CADM2: variants seen among roughly 807,000 people sequenced by gnomAD.
CADM2 encodes the protein cell adhesion molecule 2.
In CADM2, 12 loss-of-function variants were observed where a neutral mutation model predicts 49.8. That is an observed-to-expected ratio of 0.24 (90% CI 0.15 to 0.39). CADM2 has a LOEUF of 0.39. CADM2 is among the 10% of genes least tolerant of loss of function. The pLI is 1.00. For missense variants in CADM2, 378 were observed against 492.3 expected, an observed-to-expected ratio of 0.77 and a Z score of 2.20; for synonymous variants, 214 against 175.4, an observed-to-expected ratio of 1.22 and a Z score of -1.74.
chr3:85,149,599 T>G (rs1259391721), intron 1 of CADM2, among the ~76,000 whole-genome samples: 1 of 152,054 alleles, frequency 6.6e-6, no homozygotes, highest in Non-Finnish European at 1.5e-5. Flanking sequence ...TAGCCAGGCA[T>G]GGTGGCAGGT....
chr3:85,793,863 T>C (rs1204399232), intron 2 of CADM2, among the ~76,000 whole-genome samples: 2 of 152,174 alleles, frequency 1.3e-5, no homozygotes, highest in African/African-American at 4.8e-5. Context: ...TTAAAATGGA[T>C]GTTGATGCAA....
chr3:85,617,925 A>C (rs2063843462), intron 1 of CADM2, among the ~76,000 whole-genome samples: 1 of 152,222 alleles, frequency 6.6e-6, no homozygotes, highest in East Asian at 1.9e-4. Flanking sequence ...AAGCAAAGGA[A>C]GGTGCCTTTT....
chr3:85,721,307 A>C (rs1003068945), intron 1 of CADM2, among the ~76,000 whole-genome samples: 1 of 152,286 alleles, frequency 6.6e-6, no homozygotes, highest in Admixed American at 6.5e-5. Flanking sequence ...AACATCTAAT[A>C]TATCTGAATA....
chr3:85,220,122 C>A (rs1189610083), intron 1 of CADM2, among the ~76,000 whole-genome samples: 2 of 152,012 alleles, frequency 1.3e-5, no homozygotes, highest in Admixed American at 1.3e-4. Context: ...CTCTGAAATA[C>A]ACTAAAATTT....
At chr3:86,057,950 A>C (rs2107370629) in intron 8 of CADM2, among the ~76,000 whole-genome samples, 1 of 152,342 alleles carries the variant, frequency 6.6e-6, no homozygotes, top group Middle Eastern at 3.4e-3. Context: ...TTCCATAGTT[A>C]ATTTTAAAGC....
chr3:85,593,526 A>G (rs2063164604), intron 1 of CADM2, among the ~76,000 whole-genome samples: 1 of 152,082 alleles, frequency 6.6e-6, no homozygotes, highest in Admixed American at 6.6e-5. Context: ...TTTGTTTCCA[A>G]CTTAAGTGTG....
chr3:85,813,368 A>G (rs913582328), intron 3 of CADM2, among the ~76,000 whole-genome samples: 9 of 152,122 alleles, frequency 5.9e-5, no homozygotes, highest in African/African-American at 2.2e-4. Flanking sequence ...GTCTGTTTAT[A>G]TGCTTTGCCC....
chr3:85,675,340 A>T (rs1001174907), intron 1 of CADM2, among the ~76,000 whole-genome samples: 81 of 152,334 alleles, frequency 5.3e-4, no homozygotes, highest in African/African-American at 1.9e-3. Flanking sequence ...TTTTTCAAAT[A>T]TTAAACCTCT....
chr3:85,164,697 G>A (rs764381619), intron 1 of CADM2, among the ~76,000 whole-genome samples: 18 of 152,020 alleles, frequency 1.2e-4, no homozygotes, highest in Non-Finnish European at 2.4e-4. Context: ...ATGAGAGAAT[G>A]TGCCCCAATT....
chr3:85,806,552 A>T (rs1321984955), intron 3 of CADM2, among the ~76,000 whole-genome samples: 1 of 152,140 alleles, frequency 6.6e-6, no homozygotes, highest in Non-Finnish European at 1.5e-5. Flanking sequence ...GTAAAGGAGA[A>T]TTAGGCTGAA....
chr3:85,099,563 G>T (rs1052748316), intron 1 of CADM2, among the ~76,000 whole-genome samples: 1 of 151,150 alleles, frequency 6.6e-6, no homozygotes, highest in South Asian at 2.1e-4. Flanking sequence ...TCCATCTCTC[G>T]GGTTCAAGCA....
At chr3:84,961,208 C>T (rs1343245311) in intron 1 of CADM2, among the ~76,000 whole-genome samples, 1 of 152,114 alleles carries the variant, frequency 6.6e-6, no homozygotes, top group Non-Finnish European at 1.5e-5. Flanking sequence ...TCAGCAAGTT[C>T]TTGGAATGCA....
intron 1 of CADM2, among the ~76,000 whole-genome samples, chr3:85,010,329 T>C (rs1019439869): frequency 2.6e-5 from 4 of 152,058 alleles, no homozygotes; most frequent in Non-Finnish European, 4.4e-5. Context: ...AACTGAAACC[T>C]AAAAGGATAT....
chr3:85,139,458 T>C (rs895282853), intron 1 of CADM2, among the ~76,000 whole-genome samples: 3 of 152,184 alleles, frequency 2.0e-5, no homozygotes, highest in Non-Finnish European at 4.4e-5. Context: ...AATTGCATTA[T>C]CTAGTTGGCT....
intron 1 of CADM2, among the ~76,000 whole-genome samples, chr3:85,121,735 C>T: frequency 6.6e-6 from 1 of 152,132 alleles, no homozygotes; most frequent in Admixed American, 6.6e-5. Context: ...TATTACCTAT[C>T]TTTGGACAAT....
intron 1 of CADM2, among the ~76,000 whole-genome samples, chr3:85,081,680 C>CATCTTCCAATTCCTCAGCTCTGTCT (rs1299339505): frequency 2.0e-5 from 3 of 152,124 alleles, no homozygotes; most frequent in African/African-American, 4.8e-5. Context: ...TGCTTCTGGC[C>CATCTTCCAATTCCTCAGCTCTGTCT]ATCTTCCAAT....
intron 1 of CADM2, among the ~76,000 whole-genome samples, chr3:85,666,872 C>T (rs751064386): frequency 7.9e-5 from 12 of 151,832 alleles, no homozygotes; most frequent in Non-Finnish European, 1.5e-4. Context: ...GTTTCCTGCA[C>T]GCCATCACCA....
chr3:85,684,380 G>A (rs2066136234), intron 1 of CADM2, among the ~76,000 whole-genome samples: 1 of 151,978 alleles, frequency 6.6e-6, no homozygotes, highest in Non-Finnish European at 1.5e-5. Flanking sequence ...TCCCACTGCA[G>A]CTATACTCCT....
intron 2 of CADM2, among the ~76,000 whole-genome samples, chr3:85,762,892 AT>A (rs911116909): frequency 5.9e-5 from 9 of 151,750 alleles, no homozygotes; most frequent in Non-Finnish European, 1.3e-4. Flanking sequence ...ATTTGGACAA[AT>A]TTAGTTTATT....
Sources: allele counts gnomAD v4.1 joint callset (sites outside exome capture counted in the v4.1 genomes callset), GRCh38; gene constraint gnomAD v4.1.1; transcripts MANE v1.5; gene names NCBI Gene and HGNC (gene_info 2026-07-23, HGNC 2026-07-21).